Variants in CCDC146 observed in about 807,000 individuals in gnomAD.
The protein encoded by CCDC146 is coiled-coil domain-containing protein 146.
In CCDC146, 92 loss-of-function variants were observed where a neutral mutation model predicts 119.3. The observed-to-expected ratio is 0.77, with a 90% CI of 0.65 to 0.92. The LOEUF (loss-of-function observed/expected upper bound fraction) is 0.92, where lower values mean the gene tolerates loss of function less well. CCDC146 is among the 40% of genes least tolerant of loss of function. The pLI, the probability that CCDC146 is intolerant of heterozygous loss-of-function variation, is 0.00. For synonymous variants in CCDC146, 372 were observed against 371.8 expected (o/e 1.00, Z -0.01); for missense variants, 1,000 against 1,103.0 (o/e 0.91, Z 1.32).
At chr7:77,168,959 T>C (rs1232150716) in intron 2 of CCDC146, among the ~76,000 whole-genome samples, 1 of 152,110 alleles carries the variant, frequency 6.6e-6, no homozygotes, top group East Asian at 1.9e-4. Flanking sequence ...AACATTGATA[T>C]AATACCATTT....
Position 77,282,746 on chromosome 7 carries a change from G to A in CCDC146, c.2109G>A (p.Lys703=), listed in dbSNP as rs1793786466. 3 of 1,614,076 alleles carry A rather than the reference G, an allele frequency of 1.9e-6. No homozygotes were observed. The highest frequency in any genetic ancestry group is 1.7e-6 in the Non-Finnish European group (2 of 1,180,030). Residue 703 remains lysine (K), a synonymous_variant, in exon 15 of 19, where the codon AAG becomes AAA. Coordinates refer to ENST00000285871, the MANE Select transcript of CCDC146 (RefSeq NM_020879.3). ...TGACCCAGAAATTACTGCCAGCCAA[G>A]AGGTCCCTGGATGCCGACCTAGCTG... The part of the protein sequence containing the change: ...ICVTQKLLPA[K]RSLDADLAVL...
At chr7:77,205,092 A>T (rs1366608147) in intron 2 of CCDC146, among the ~76,000 whole-genome samples, 1 of 152,206 alleles carries the variant, frequency 6.6e-6, no homozygotes. Context: ...TTCTTCTTAT[A>T]ATCCCAAAAC....
At chr7:77,178,709 C>T (rs573291294) in intron 2 of CCDC146, among the ~76,000 whole-genome samples, 1 of 152,276 alleles carries the variant, frequency 6.6e-6, no homozygotes, top group African/African-American at 2.4e-5. Context: ...AACTTTGATA[C>T]TGGCTTTCTA....
intron 2 of CCDC146, chr7:77,194,196 T>C (rs1253113035): frequency 6.6e-6 from 1 of 152,126 alleles, no homozygotes; most frequent in Non-Finnish European, 1.5e-5. Flanking sequence ...TATACCTTTC[T>C]TTAGAACTAT....
intron 1 of CCDC146, among the ~76,000 whole-genome samples, chr7:77,123,403 GGTGTGTGTGTGTGT>G (rs557580080): frequency 0.016 from 1,961 of 125,264 alleles, 32 homozygotes; most frequent in African/African-American, 0.035. Context: ...GACCCTATAA[GGTGTGTGTGTGTGT>G]GTGTGTGTGT....
rs549124334 is a variant in CCDC146, at chr7:77,245,725, C to A, written c.449+3825C>A. On this transcript the variant is annotated intron_variant, in intron 4 of 18. Transcript: ENST00000285871. ...TAGCAAAGTTGGAACCAAGAAACAA[C>A]AGATCTGGTAACAAAGGAAAGGAGG... is the stretch of plus-strand genomic sequence containing the variant. Among the ~76,000 whole-genome samples, 34 of 152,198 alleles carry A rather than the reference C, an allele frequency of 2.2e-4. No individual in the cohort carries two copies. The South Asian group carries it at 7.0e-3, about 32-fold the overall frequency.
chr7:77,248,551 T>C (rs938379846), intron 4 of CCDC146, among the ~76,000 whole-genome samples: 12 of 152,372 alleles, frequency 7.9e-5, no homozygotes, highest in Admixed American at 3.3e-4. Context: ...TCATATGATT[T>C]TCCAAGTGTG....
intron 14 of CCDC146, chr7:77,282,331 C>A: frequency 2.3e-6 from 1 of 442,998 alleles, no homozygotes; most frequent in Non-Finnish European, 4.0e-6. Context: ...GGCTAGCCAA[C>A]CACATGGTCA....
intron 2 of CCDC146, among the ~76,000 whole-genome samples, chr7:77,213,209 C>T (rs1054888253): frequency 2.0e-5 from 3 of 151,858 alleles, no homozygotes; most frequent in East Asian, 3.9e-4. Flanking sequence ...CCCACCTCAG[C>T]CTCCCGAGTA....
At chr7:77,141,351 CTAT>C (rs534952055) in intron 1 of CCDC146, among the ~76,000 whole-genome samples, 90 of 152,192 alleles carry the variant, frequency 5.9e-4, no homozygotes, top group Non-Finnish European at 1.2e-3. Flanking sequence ...CAAATCTTTG[CTAT>C]TATTAACAGT....
intron 2 of CCDC146, among the ~76,000 whole-genome samples, chr7:77,231,482 G>A (rs1208697082): frequency 1.3e-5 from 2 of 152,050 alleles, no homozygotes; most frequent in Non-Finnish European, 2.9e-5. Flanking sequence ...ATCCTCCTGG[G>A]GTCTTGGAGC....
chr7:77,130,238 A>T (rs1251863309), intron 1 of CCDC146, among the ~76,000 whole-genome samples: 1 of 152,088 alleles, frequency 6.6e-6, no homozygotes, highest in East Asian at 1.9e-4. Context: ...CCTGTATAGG[A>T]TATATAGGGT....
At chr7:77,131,083 A>C (rs1347551752) in intron 1 of CCDC146, among the ~76,000 whole-genome samples, 1 of 151,746 alleles carries the variant, frequency 6.6e-6, no homozygotes. Flanking sequence ...GGGTTTCACC[A>C]TGTCGGCCAG....
chr7:77,192,512 AAC>A (rs550976321), intron 2 of CCDC146, among the ~76,000 whole-genome samples: 136 of 152,348 alleles, frequency 8.9e-4, no homozygotes, highest in African/African-American at 2.6e-3. Flanking sequence ...AGGCAATGAA[AAC>A]ATTAGAAAGC....
intron 4 of CCDC146, among the ~76,000 whole-genome samples, chr7:77,244,181 A>T (rs1191950293): frequency 6.6e-6 from 1 of 152,258 alleles, no homozygotes; most frequent in Non-Finnish European, 1.5e-5. Flanking sequence ...AAGAATACAA[A>T]GGAAGAAAAT....
intron 1 of CCDC146, among the ~76,000 whole-genome samples, chr7:77,164,541 T>A (rs866443089): frequency 6.6e-6 from 1 of 152,210 alleles, no homozygotes; most frequent in South Asian, 2.1e-4. Flanking sequence ...TGGAAGTATA[T>A]GTTACCGCCT....
chr7:77,145,453 C>A (rs938121189), intron 1 of CCDC146, among the ~76,000 whole-genome samples: 5 of 151,722 alleles, frequency 3.3e-5, no homozygotes, highest in Non-Finnish European at 5.9e-5. Flanking sequence ...TTCTTGCCTT[C>A]TGCTAGCTTT....
intron 9 of CCDC146, among the ~76,000 whole-genome samples, chr7:77,272,029 C>G (rs766936222): frequency 3.3e-5 from 5 of 152,180 alleles, no homozygotes; most frequent in African/African-American, 4.8e-5. Context: ...AGCAGAGAAT[C>G]AGACAGGGAC....
intron 3 of CCDC146, 109 bp downstream of exon 3, chr7:77,237,138 ATTTGCGTTCAGGGAG>A (rs1792752688): frequency 2.3e-6 from 2 of 862,910 alleles, no homozygotes; most frequent in Non-Finnish European, 3.8e-6. Context: ...TGAGGCAAGG[ATTTGCGTTCAGGGAG>A]TTTGAGAAGT....
Sources: allele counts gnomAD v4.1 joint callset (sites outside exome capture counted in the v4.1 genomes callset), GRCh38; gene constraint gnomAD v4.1.1; transcripts MANE v1.5; gene names NCBI Gene and HGNC (gene_info 2026-07-23, HGNC 2026-07-21).